TMCC1: variants seen among roughly 807,000 people sequenced by gnomAD.
The protein encoded by TMCC1 is transmembrane and coiled-coil domains protein 1.
Under a neutral mutation model 52.4 loss-of-function variants are expected in TMCC1, and 15 were observed. The observed-to-expected ratio is 0.29, with a 90% CI of 0.19 to 0.44. The LOEUF is 0.44. Among genes scored for constraint, TMCC1 ranks in the 20% least tolerant of loss-of-function variants. The probability of loss-of-function intolerance (pLI) is 1.00; values close to 1 mark genes in which losing one functional copy is unlikely to be tolerated. For synonymous variants in TMCC1, 279 were observed against 301.9 expected, an observed-to-expected ratio of 0.92 and a Z score of 0.79; for missense variants, 503 against 806.0, an observed-to-expected ratio of 0.62 and a Z score of 4.55.
chr3:129,823,989 T>C (rs2058545282), intron 4 of TMCC1, among the ~76,000 whole-genome samples: 2 of 152,164 alleles, frequency 1.3e-5, no homozygotes, highest in Non-Finnish European at 2.9e-5. Flanking sequence ...CGTTGAGCCT[T>C]CATCATAAAA....
rs1045328787 is a variant in TMCC1 at position 129,648,826 on chromosome 3, A to C, written c.*2655T>G. The C allele has an allele frequency of 9.2e-5, 14 of 152,288 alleles. No individual in the cohort carries two copies. The highest frequency in any genetic ancestry group is 2.2e-4 in the African/African-American group (9 of 41,454). 9.4% of individuals were successfully genotyped at this position (152,288 alleles called of 1,614,324 possible). A position where few individuals can be genotyped will look rare whatever the true frequency, so the allele number is the denominator to read the frequency against. ...ACAACCACAATGAAAGAAACTCAAA[A>C]GTAACAGGATGGGCAGCAAAAGGTA... On this transcript the variant is annotated 3_prime_UTR_variant, in exon 7 of 7. Transcript: ENST00000393238.
At chr3:129,691,914 C>T (rs2047056023) in intron 4 of TMCC1, among the ~76,000 whole-genome samples, 1 of 152,040 alleles carries the variant, frequency 6.6e-6, no homozygotes, top group Admixed American at 6.6e-5. Context: ...TAAATAAGCA[C>T]ATATATATAT....
chr3:129,851,938 T>G (rs952876356), intron 2 of TMCC1, among the ~76,000 whole-genome samples: 2 of 151,918 alleles, frequency 1.3e-5, no homozygotes, highest in African/African-American at 4.8e-5. Context: ...TTGCTTAAGC[T>G]AAGGAGTTCA....
At chr3:129,872,952 C>A (rs1354881830) in intron 2 of TMCC1, among the ~76,000 whole-genome samples, 1 of 147,312 alleles carries the variant, frequency 6.8e-6, no homozygotes, top group Middle Eastern at 3.4e-3. Context: ...GAGTCTTGCT[C>A]TGTTGCCCAG....
At chr3:129,767,320 C>T (rs1253324789) in intron 4 of TMCC1, among the ~76,000 whole-genome samples, 1 of 149,060 alleles carries the variant, frequency 6.7e-6, no homozygotes, top group East Asian at 2.0e-4. Flanking sequence ...TTAAAGTATA[C>T]AATTCAACAA....
chr3:129,660,305 G>A (rs1210860843), intron 5 of TMCC1, among the ~76,000 whole-genome samples: 5 of 151,906 alleles, frequency 3.3e-5, no homozygotes, highest in Non-Finnish European at 5.9e-5. Flanking sequence ...GTGCCACCAC[G>A]CCCGGTTAAT....
intron 2 of TMCC1, chr3:129,861,056 G>A (rs2060366906): frequency 6.6e-6 from 1 of 152,186 alleles, no homozygotes; most frequent in South Asian, 2.1e-4. Flanking sequence ...GTTACTATGG[G>A]ACTAAGACCT....
chr3:129,728,204 G>C (rs571753926), intron 4 of TMCC1, among the ~76,000 whole-genome samples: 2 of 152,296 alleles, frequency 1.3e-5, no homozygotes, highest in South Asian at 4.1e-4. Flanking sequence ...TATTAATATA[G>C]GGAACTTGAT....
chr3:129,788,711 G>A (rs1037978788), intron 4 of TMCC1, among the ~76,000 whole-genome samples: 8 of 151,780 alleles, frequency 5.3e-5, no homozygotes, highest in South Asian at 2.1e-4. Context: ...CTCGTGATCC[G>A]CCCGTCTTGG....
intron 4 of TMCC1, among the ~76,000 whole-genome samples, chr3:129,772,156 T>G (rs2107704482): frequency 6.6e-6 from 1 of 152,180 alleles, no homozygotes; most frequent in Admixed American, 6.5e-5. Flanking sequence ...CCCAGGAGTT[T>G]GAGATCATCC....
rs534996315 is a variant in TMCC1, at chr3:129,677,973, C to T, written c.577-6709G>A. On this transcript the variant is annotated intron_variant, in intron 4 of 6. Transcript: ENST00000393238. Reference sequence around the variant, plus strand: ...ACAGAGTCTCGCTCTGTCGCCCAGGCTGGGGTGCAGTAGCATGATCTTGGC... The same window carrying T: ...ACAGAGTCTCGCTCTGTCGCCCAGGTTGGGGTGCAGTAGCATGATCTTGGC... 5.3e-5 allele frequency among the ~76,000 whole-genome samples: 8 copies of T among 152,322 alleles called. No individual in the cohort carries two copies. In the East Asian group the frequency reaches 1.5e-3, roughly 29 times the overall value.
chr3:129,808,741 TA>T (rs2057614408), intron 4 of TMCC1, among the ~76,000 whole-genome samples: 1 of 150,364 alleles, frequency 6.7e-6, no homozygotes, highest in African/African-American at 2.4e-5. Flanking sequence ...AAGATATGGA[TA>T]GGAAAAAGAT....
chr3:129,673,991 A>C (rs79232832), intron 4 of TMCC1, among the ~76,000 whole-genome samples: 1,622 of 152,296 alleles, frequency 0.011, 12 homozygotes, highest in Non-Finnish European at 0.017. Flanking sequence ...TAGATATGCA[A>C]ACACTACTGT....
chr3:129,654,622 C>T (rs554910207), intron 6 of TMCC1, among the ~76,000 whole-genome samples: 143 of 152,244 alleles, frequency 9.4e-4, no homozygotes, highest in African/African-American at 3.2e-3. Flanking sequence ...GGAATAAAAG[C>T]CCCCTTTCCC....
At chr3:129,770,115 A>G (rs916509435) in intron 4 of TMCC1, among the ~76,000 whole-genome samples, 1 of 152,150 alleles carries the variant, frequency 6.6e-6, no homozygotes, top group Non-Finnish European at 1.5e-5. Flanking sequence ...TTGGGAAGCA[A>G]CTCTAAGGTT....
intron 4 of TMCC1, among the ~76,000 whole-genome samples, chr3:129,680,902 A>T (rs2088916193): frequency 6.6e-6 from 1 of 150,968 alleles, no homozygotes; most frequent in Admixed American, 6.6e-5. Context: ...TCTGTCTCAA[A>T]AAAAAAAAAA....
intron 4 of TMCC1, among the ~76,000 whole-genome samples, chr3:129,812,979 C>T (rs2057904729): frequency 6.6e-6 from 1 of 152,078 alleles, no homozygotes; most frequent in Non-Finnish European, 1.5e-5. Context: ...AATCAGACAA[C>T]CCTCATTAAA....
intron 4 of TMCC1, among the ~76,000 whole-genome samples, chr3:129,678,854 T>C (rs375543405): frequency 2.0e-5 from 3 of 152,336 alleles, no homozygotes; most frequent in East Asian, 3.9e-4. Context: ...ATACACCATA[T>C]TGTCCTAGCA....
intron 4 of TMCC1, among the ~76,000 whole-genome samples, chr3:129,776,540 G>A (rs998430424): frequency 6.6e-6 from 1 of 152,196 alleles, no homozygotes; most frequent in Non-Finnish European, 1.5e-5. Flanking sequence ...GAGCAGAAGA[G>A]GGGCACCCAA....
Sources: allele counts gnomAD v4.1 joint callset (sites outside exome capture counted in the v4.1 genomes callset), GRCh38; gene constraint gnomAD v4.1.1; transcripts MANE v1.5; gene names NCBI Gene and HGNC (gene_info 2026-07-23, HGNC 2026-07-21).